The following GNAO1 variants were observed in gnomAD, a reference collection of about 807,000 sequenced individuals.
The protein encoded by GNAO1 is guanine nucleotide-binding protein G(o) subunit alpha.
For synonymous variants in GNAO1, 164 were observed against 180.7 expected, an observed-to-expected ratio of 0.91 and a Z score of 0.74; for missense variants, 166 against 478.7, an observed-to-expected ratio of 0.35 and a Z score of 6.10.
At chr16:56,315,625 C>A (rs28690507) in intron 3 of GNAO1, among the ~76,000 whole-genome samples, 1,988 of 152,196 alleles carry the variant, frequency 0.013, 49 homozygotes, top group African/African-American at 0.044. Context: ...AAGGCTGTCC[C>A]AGAGGGGCAG....
chr16:56,314,339 C>A (rs558679534), intron 3 of GNAO1, among the ~76,000 whole-genome samples: 7 of 152,194 alleles, frequency 4.6e-5, no homozygotes, highest in Non-Finnish European at 1.0e-4. Context: ...AGACCCCAGT[C>A]TGAAATCCTA....
intron 3 of GNAO1, among the ~76,000 whole-genome samples, chr16:56,309,442 C>G (rs2037432870): frequency 6.6e-6 from 1 of 152,178 alleles, no homozygotes; most frequent in Admixed American, 6.5e-5. Flanking sequence ...CCATAGGATG[C>G]CACACACTCC....
At chr16:56,327,482 G>A (rs1391834821) in intron 3 of GNAO1, among the ~76,000 whole-genome samples, 1 of 152,100 alleles carries the variant, frequency 6.6e-6, no homozygotes, top group African/African-American at 2.4e-5. Flanking sequence ...CTCCTGAGGT[G>A]GGGGAGGTTC....
At chr16:56,275,634 T>C (rs2037054780) in intron 2 of GNAO1, among the ~76,000 whole-genome samples, 2 of 152,214 alleles carry the variant, frequency 1.3e-5, no homozygotes, top group Admixed American at 1.3e-4. Flanking sequence ...CATTGAGTGC[T>C]TAATGTATGC....
chr16:56,193,250 A>C (rs2036198107), intron 2 of GNAO1: 1 of 153,080 alleles, frequency 6.5e-6, no homozygotes, highest in Non-Finnish European at 1.5e-5. Flanking sequence ...GTCGTGTGCT[A>C]GGGGAAGGAG....
Position 56,354,827 on chromosome 16 carries a change from C to T in GNAO1, c.878-39C>T, listed in dbSNP as rs780443808. ...CCCAGCCCTGTCCACCCACAGCGCT[C>T]ATCAGGGCCTCTCCCCGTTCTTCTG... On this transcript the variant is annotated intron_variant, in intron 7 of 8. Transcript: ENST00000262493. This position sits in a 1 kb window ranked among gnomAD's most constrained non-coding sequence, Gnocchi z 4.3. 174 of 1,355,262 alleles carry T rather than the reference C, an allele frequency of 1.3e-4. No homozygotes were observed. The highest frequency in any genetic ancestry group is 1.7e-4 in the Non-Finnish European group (159 of 948,164). 84.0% of individuals were successfully genotyped at this position (1,355,262 alleles called of 1,614,324 possible).
chr16:56,298,355 GA>G (rs1374265079), intron 3 of GNAO1, among the ~76,000 whole-genome samples: 2 of 152,248 alleles, frequency 1.3e-5, no homozygotes, highest in Non-Finnish European at 2.9e-5. Flanking sequence ...GGCGCATGCA[GA>G]GAGACTCCAT....
chr16:56,306,425 C>T (rs1326406647), intron 3 of GNAO1, among the ~76,000 whole-genome samples: 1 of 152,196 alleles, frequency 6.6e-6, no homozygotes, highest in Non-Finnish European at 1.5e-5. Context: ...CTCCCAACCC[C>T]TAGCAGAACC....
At chr16:56,209,816 A>T (rs772610741) in intron 2 of GNAO1, among the ~76,000 whole-genome samples, 3 of 152,074 alleles carry the variant, frequency 2.0e-5, no homozygotes, top group Admixed American at 6.5e-5. Context: ...CTCCCCACAC[A>T]CATGCCCAGC....
intron 2 of GNAO1, among the ~76,000 whole-genome samples, chr16:56,262,816 G>A (rs184440532): frequency 1.3e-5 from 2 of 152,330 alleles, no homozygotes; most frequent in Admixed American, 1.3e-4. Context: ...GAACCAATTT[G>A]CCTCACTCGT....
chr16:56,214,528 A>G (rs753869135), intron 2 of GNAO1, among the ~76,000 whole-genome samples: 3 of 152,246 alleles, frequency 2.0e-5, no homozygotes, highest in Non-Finnish European at 2.9e-5. Flanking sequence ...AGTTTTACAG[A>G]TAATTATTGC....
intron 3 of GNAO1, among the ~76,000 whole-genome samples, chr16:56,315,800 T>C (rs2037503234): frequency 6.6e-6 from 1 of 151,852 alleles, no homozygotes; most frequent in South Asian, 2.1e-4. Flanking sequence ...TCCCAGCACT[T>C]TGAGAGGCCA....
intron 3 of GNAO1, among the ~76,000 whole-genome samples, chr16:56,317,866 C>G (rs1253055943): frequency 2.6e-5 from 4 of 152,104 alleles, no homozygotes; most frequent in Non-Finnish European, 5.9e-5. Context: ...GTTCCCTTCC[C>G]TAAAGCAATG....
intron 3 of GNAO1, among the ~76,000 whole-genome samples, chr16:56,313,762 G>T (rs529761592): frequency 6.6e-6 from 1 of 151,992 alleles, no homozygotes; most frequent in Non-Finnish European, 1.5e-5. Flanking sequence ...TATCTGTCTC[G>T]CCCAGGCTGG....
intron 3 of GNAO1, 187 bp downstream of exon 3, chr16:56,276,259 C>T (rs1333515129): frequency 2.1e-6 from 1 of 477,990 alleles, no homozygotes; most frequent in Admixed American, 3.8e-5. Context: ...TCCCAGCAAA[C>T]TCACCAACTT....
intron 2 of GNAO1, 42 bp from the exon 3 acceptor site, chr16:56,275,889 A>C (rs1268726276): frequency 6.4e-7 from 1 of 1,573,122 alleles, no homozygotes; most frequent in Non-Finnish European, 8.7e-7. Context: ...GTTGATGAGG[A>C]CAATGCTCTC....
At chr16:56,291,544 G>A (rs536705593) in intron 3 of GNAO1, among the ~76,000 whole-genome samples, 9 of 152,250 alleles carry the variant, frequency 5.9e-5, no homozygotes, top group African/African-American at 2.2e-4. Context: ...CTCCCCTTCT[G>A]TGCATTATCT....
At chr16:56,345,968 G>A (rs2037863324) in intron 6 of GNAO1, 1 of 985,592 alleles carries the variant, frequency 1.0e-6, no homozygotes, top group Non-Finnish European at 1.2e-6. Context: ...AGAACACAGT[G>A]GCCAGAGCAC....
At position 56,341,273 on chromosome 16, in the gene GNAO1, T is replaced by C. The variant is rs115417035; in HGVS notation, c.723+4413T>C. Among the ~76,000 whole-genome samples, 1,399 of 152,216 alleles carry C rather than the reference T, an allele frequency of 9.2e-3. 23 individuals are homozygous for C. Among genetic ancestry groups the C allele is most frequent in the African/African-American group, 0.032 (1,344 of 41,558 alleles). On this transcript the variant is annotated intron_variant, in intron 6 of 8. Coordinates refer to ENST00000262493, the MANE Select transcript of GNAO1 (RefSeq NM_020988.3). ...CCACTGTCTGCGCACAGGGGCTCTCTGTGACGAGACGAGCAAACGCCGAGA... is the reference window on the plus strand; with the variant it reads ...CCACTGTCTGCGCACAGGGGCTCTCCGTGACGAGACGAGCAAACGCCGAGA...
Sources: allele counts gnomAD v4.1 joint callset (sites outside exome capture counted in the v4.1 genomes callset), GRCh38; gene constraint gnomAD v4.1.1; non-coding constraint Gnocchi (gnomAD v3.1); transcripts MANE v1.5; gene names NCBI Gene and HGNC (gene_info 2026-07-23, HGNC 2026-07-21).